Variants in HDAC4 observed in about 807,000 individuals in gnomAD.
The protein encoded by HDAC4 is histone deacetylase A.
In HDAC4, 16 loss-of-function variants were observed where a neutral mutation model predicts 135.1. That is an observed-to-expected ratio of 0.12 (90% CI 0.08 to 0.18). The LOEUF (loss-of-function observed/expected upper bound fraction) is 0.18. Among genes scored for constraint, HDAC4 ranks in the 10% least tolerant of loss-of-function variants. The pLI, the probability that HDAC4 is intolerant of heterozygous loss-of-function variation, is 1.00. For missense variants in HDAC4, 1,143 were observed against 1,511.8 expected, an observed-to-expected ratio of 0.76 and a Z score of 4.05; for synonymous variants, 685 against 653.4, an observed-to-expected ratio of 1.05 and a Z score of -0.74.
At chr2:239,173,426 C>T (rs938738733) in intron 5 of HDAC4, among the ~76,000 whole-genome samples, 2 of 152,158 alleles carry the variant, frequency 1.3e-5, no homozygotes, top group Admixed American at 1.3e-4. Flanking sequence ...TCAAAAGATG[C>T]TGAAACAGCA....
At chr2:239,397,244 T>G (rs1377160841) in intron 1 of HDAC4, among the ~76,000 whole-genome samples, 1 of 152,218 alleles carries the variant, frequency 6.6e-6, no homozygotes, top group African/African-American at 2.4e-5. Flanking sequence ...GGACTGGAGA[T>G]GCAGGGGGTG....
At chr2:239,209,209 A>G (rs2046232536) in intron 3 of HDAC4, among the ~76,000 whole-genome samples, 1 of 152,264 alleles carries the variant, frequency 6.6e-6, no homozygotes, top group African/African-American at 2.4e-5. Flanking sequence ...TAAATGGTCT[A>G]AATAAATGGC....
At chr2:239,297,623 G>A (rs555299257) in intron 2 of HDAC4, among the ~76,000 whole-genome samples, 1 of 152,196 alleles carries the variant, frequency 6.6e-6, no homozygotes, top group Admixed American at 6.5e-5. Flanking sequence ...GCTGGCTAAT[G>A]AGGCCTGGGG....
intron 11 of HDAC4, among the ~76,000 whole-genome samples, chr2:239,132,856 G>C (rs1462696690): frequency 1.3e-5 from 2 of 152,318 alleles, no homozygotes; most frequent in East Asian, 1.9e-4. Flanking sequence ...CGTTTTTAAA[G>C]ACAGGCGAGA....
rs151268142 is a variant in HDAC4, at chr2:239,149,267, A to G, written c.734-4553T>C. 2.3e-3 allele frequency among the ~76,000 whole-genome samples: 346 copies of G among 151,900 alleles called. 1 individual carries two copies. The highest frequency in any genetic ancestry group is 8.0e-3 in the African/African-American group (330 of 41,392). ...AATACAAAAATTAGCCAGGTGTGGTAGTGGCACCTGTAGTCCCAGCTACTC... is the reference window on the plus strand; with the variant it reads ...AATACAAAAATTAGCCAGGTGTGGTGGTGGCACCTGTAGTCCCAGCTACTC... On this transcript the variant is annotated intron_variant, in intron 7 of 26. Transcript: ENST00000543185.
At chr2:239,333,322 T>C (rs1460936431) in intron 2 of HDAC4, among the ~76,000 whole-genome samples, 2 of 152,154 alleles carry the variant, frequency 1.3e-5, no homozygotes, top group Non-Finnish European at 2.9e-5. Context: ...AGAGACCATA[T>C]GTGGTCCACA....
At chr2:239,247,456 C>T (rs192909823) in intron 2 of HDAC4, among the ~76,000 whole-genome samples, 9 of 152,212 alleles carry the variant, frequency 5.9e-5, no homozygotes, top group South Asian at 2.1e-4. Flanking sequence ...GCACACAGTA[C>T]GTGCGGGGCG....
At chr2:239,236,705 A>G (rs777700659) in intron 2 of HDAC4, 41 bp from the exon 3 acceptor site, 2 of 1,454,114 alleles carry the variant, frequency 1.4e-6, no homozygotes, top group South Asian at 2.4e-5. Context: ...AACTGCGCGC[A>G]TTTCAGCCAA....
intron 2 of HDAC4, among the ~76,000 whole-genome samples, chr2:239,241,637 G>A (rs2048180615): frequency 6.6e-6 from 1 of 152,070 alleles, no homozygotes; most frequent in African/African-American, 2.4e-5. Context: ...TCTCTTCCTG[G>A]AGGCTGCAGA....
intron 13 of HDAC4, among the ~76,000 whole-genome samples, chr2:239,114,757 G>C (rs1253577119): frequency 6.6e-6 from 1 of 152,134 alleles, no homozygotes; most frequent in East Asian, 1.9e-4. Flanking sequence ...TGGATTCTGT[G>C]TTCATTTACA....
Position 239,108,019 on chromosome 2 carries a change from G to A in HDAC4, c.2112+31C>T, listed in dbSNP as rs773860566. 1.1e-5 allele frequency: 17 copies of A among 1,609,860 alleles called. No homozygotes were observed. The Admixed American group carries it at 1.3e-4, about 13-fold the overall frequency. On this transcript the variant is annotated intron_variant, in intron 15 of 26. Transcript: ENST00000543185. ...GTCCCCTCTAATGGTGCCCAAAGCCGCAGCTGCCCACCTGCCCCGGTCGGC... is the reference window on the plus strand; with the variant it reads ...GTCCCCTCTAATGGTGCCCAAAGCCACAGCTGCCCACCTGCCCCGGTCGGC...
At chr2:239,339,946 C>T (rs554763826) in intron 2 of HDAC4, among the ~76,000 whole-genome samples, 1 of 152,332 alleles carries the variant, frequency 6.6e-6, no homozygotes, top group East Asian at 1.9e-4. Flanking sequence ...TTTGTGACTG[C>T]TTCCCTCAGC....
intron 2 of HDAC4, among the ~76,000 whole-genome samples, chr2:239,276,946 C>A (rs898442046): frequency 6.6e-6 from 1 of 152,180 alleles, no homozygotes; most frequent in East Asian, 1.9e-4. Context: ...CCCCTCTAGC[C>A]CTTGGGGAAC....
intron 14 of HDAC4, among the ~76,000 whole-genome samples, chr2:239,108,953 C>T (rs940782387): frequency 1.3e-5 from 2 of 152,232 alleles, no homozygotes; most frequent in Non-Finnish European, 2.9e-5. Context: ...TGTGCCTGAA[C>T]CCGTGTTGGA....
At chr2:239,193,136 A>G (rs1326843048) in intron 3 of HDAC4, among the ~76,000 whole-genome samples, 1 of 152,028 alleles carries the variant, frequency 6.6e-6, no homozygotes. Context: ...CCTGGGTGGG[A>G]CCCCTGCTTA....
intron 12 of HDAC4, among the ~76,000 whole-genome samples, chr2:239,119,772 T>G (rs1398428005): frequency 1.3e-5 from 2 of 152,246 alleles, no homozygotes; most frequent in East Asian, 3.9e-4. Flanking sequence ...GCTGCGGGTC[T>G]CTCCGAGGGG....
chr2:239,311,611 T>A (rs543123901), intron 2 of HDAC4, among the ~76,000 whole-genome samples: 109 of 152,264 alleles, frequency 7.2e-4, no homozygotes, highest in African/African-American at 2.6e-3. Flanking sequence ...AGAGGGACAC[T>A]GTGACCCATG....
intron 16 of HDAC4, among the ~76,000 whole-genome samples, chr2:239,100,253 T>C (rs1405195788): frequency 1.3e-5 from 2 of 152,246 alleles, no homozygotes; most frequent in Non-Finnish European, 2.9e-5. Flanking sequence ...CCCTGCACAC[T>C]GCAGTGAGCT....
chr2:239,065,382 CA>C (rs1054499386), intron 24 of HDAC4, among the ~76,000 whole-genome samples: 1 of 152,238 alleles, frequency 6.6e-6, no homozygotes, highest in Admixed American at 6.5e-5. Context: ...ACTGGTTCCC[CA>C]AACATAAGGG....
Sources: gnomAD v4.1 joint callset for allele counts (sites outside exome capture counted in the v4.1 genomes callset) on GRCh38, gnomAD v4.1.1 for gene constraint, MANE v1.5 for transcripts, NCBI Gene and HGNC (gene_info 2026-07-23, HGNC 2026-07-21) for gene names.